The following AGAP1 variants were observed in gnomAD, a reference collection of about 807,000 sequenced individuals.
The protein encoded by AGAP1 is arf-GAP with GTPase, ANK repeat and PH domain-containing protein 1.
Under a neutral mutation model 105.3 loss-of-function variants are expected in AGAP1, and 29 were observed. The observed-to-expected ratio is 0.28, with a 90% CI of 0.21 to 0.38. The LOEUF (loss-of-function observed/expected upper bound fraction) is 0.38, where lower values mean the gene tolerates loss of function less well. Ranked by LOEUF, AGAP1 falls within the 10% of genes least tolerant of loss-of-function variation. AGAP1 has a pLI of 1.00. For missense variants in AGAP1, 998 were observed against 1,165.1 expected (o/e 0.86, Z 2.09); for synonymous variants, 509 against 485.9 (o/e 1.05, Z -0.63).
In AGAP1 at chr2:235,988,800, C is replaced by T. The variant is rs2055431228; in HGVS notation, c.1645+20177C>T. Among the ~76,000 whole-genome samples, 1 of 152,082 alleles carries T rather than the reference C, an allele frequency of 6.6e-6. No homozygotes were observed. On this transcript the variant is annotated intron_variant, in intron 13 of 17. Coordinates refer to ENST00000304032, the MANE Select transcript of AGAP1 (RefSeq NM_001037131.3). This position sits in a 1 kb window ranked among gnomAD's most constrained non-coding sequence, Gnocchi z 4.7. ...CATTCCCCTGCACCCACCCTTTTTT[C>T]TGTGGTCAGCATGTGTTTCCCAGAC...
intron 1 of AGAP1, among the ~76,000 whole-genome samples, chr2:235,688,445 C>A (rs1013200308): frequency 6.6e-5 from 10 of 152,198 alleles, no homozygotes; most frequent in African/African-American, 2.2e-4. Flanking sequence ...TCACCTCTCA[C>A]ATTTCCAGCC....
In AGAP1 at chr2:235,721,457, T is replaced by C. The variant is rs1951376860; in HGVS notation, c.310+3813T>C. Among the ~76,000 whole-genome samples the C allele has an allele frequency of 6.6e-6, 1 of 151,576 alleles. No homozygotes were observed. Among genetic ancestry groups the C allele is most frequent in the South Asian group, 2.1e-4 (1 of 4,770 alleles). On this transcript the variant is annotated intron_variant, in intron 3 of 17. Transcript: ENST00000304032. This position sits in a 1 kb window ranked among gnomAD's most constrained non-coding sequence, Gnocchi z 4.5. ...TCAGTCAAAGAGTAAACCTCTTGGATTGACAGATTCCTTAATATTATGTGT... is the reference window on the plus strand; with the variant it reads ...TCAGTCAAAGAGTAAACCTCTTGGACTGACAGATTCCTTAATATTATGTGT...
rs1191725796 is a variant in AGAP1, at chr2:236,042,236, C to T, written c.1891+1395C>T. Among the ~76,000 whole-genome samples, 1 of 151,946 alleles carries T rather than the reference C, an allele frequency of 6.6e-6. No homozygotes were observed. Among genetic ancestry groups the T allele is most frequent in the Non-Finnish European group, 1.5e-5 (1 of 67,998 alleles). ...GCTTGGCCGGGAAGGGAGACAGGAG[C>T]CCAGGACTGCTCCAGACAAAAGGGA... On this transcript the variant is annotated intron_variant, in intron 15 of 17. Coordinates refer to ENST00000304032, the MANE Select transcript of AGAP1 (RefSeq NM_001037131.3). This position sits in a 1 kb window ranked among gnomAD's most constrained non-coding sequence, Gnocchi z 5.6.
rs1353370750 is a variant in AGAP1 at position 235,737,978 on chromosome 2, G to T, written c.311-2985G>T. On this transcript the variant is annotated intron_variant, in intron 3 of 17. Coordinates refer to ENST00000304032, the MANE Select transcript of AGAP1 (RefSeq NM_001037131.3). This position sits in a 1 kb window ranked among gnomAD's most constrained non-coding sequence, Gnocchi z 4.5. Reference sequence around the variant, plus strand: ...TCTGGGGCAACCATCAGAGGGCAGGGCTGGAGCTGGGGCCCTGTAGGGCAC... The same window carrying T: ...TCTGGGGCAACCATCAGAGGGCAGGTCTGGAGCTGGGGCCCTGTAGGGCAC... Among the ~76,000 whole-genome samples, 2 of 152,144 alleles carry T rather than the reference G, an allele frequency of 1.3e-5. No homozygotes were observed. The highest frequency in any genetic ancestry group is 3.9e-4 in the East Asian group (2 of 5,136).
At chr2:235,841,924 A>G (rs1344899556) in intron 9 of AGAP1, among the ~76,000 whole-genome samples, 1 of 151,700 alleles carries the variant, frequency 6.6e-6, no homozygotes, top group Non-Finnish European at 1.5e-5. Flanking sequence ...AGCTCTGGGA[A>G]GTCTTCCCTA....
chr2:235,692,794 G>C lies in AGAP1; in HGVS notation c.164-16385G>C, dbSNP rs1321773518. Among the ~76,000 whole-genome samples the C allele has an allele frequency of 6.6e-6, 1 of 152,198 alleles. No individual in the cohort carries two copies. Among genetic ancestry groups the C allele is most frequent in the Non-Finnish European group, 1.5e-5 (1 of 68,038 alleles). ...CACAGGTCTTGCGGTGGACTTGCTG[G>C]TCGGCTGCTCTGCTGATTCTCGAAG... On this transcript the variant is annotated intron_variant, in intron 1 of 17. Transcript: ENST00000304032. This position sits in a 1 kb window ranked among gnomAD's most constrained non-coding sequence, Gnocchi z 5.8.
At position 235,879,410 on chromosome 2, in the gene AGAP1, G is replaced by T. The variant is rs1230333727; in HGVS notation, c.1051-3935G>T. ...CAACTGGGGCCAAGGCTGGAAGGCA[G>T]AAATATGACTCCTAAGAGGCCAGGG... On this transcript the variant is annotated intron_variant, in intron 9 of 17. Transcript: ENST00000304032. The surrounding 1 kb of genome is among the most constrained non-coding windows in gnomAD (Gnocchi z 5.0). Among the ~76,000 whole-genome samples the T allele has an allele frequency of 3.3e-5, 5 of 152,220 alleles. No homozygotes were observed. Among genetic ancestry groups the T allele is most frequent in the African/African-American group, 1.2e-4 (5 of 41,456 alleles).
rs1437985930 is a variant in AGAP1 at position 235,552,064 on chromosome 2, C to G, written c.163+57215C>G. ...CCTGCTGGAAGGAGCCTGCAGGGAA[C>G]TGTTTGTTGTGTGCTTGGCTGTTCA... On this transcript the variant is annotated intron_variant, in intron 1 of 17. Transcript: ENST00000304032. The surrounding 1 kb of genome is among the most constrained non-coding windows in gnomAD (Gnocchi z 5.9). Among the ~76,000 whole-genome samples the G allele has an allele frequency of 6.6e-6, 1 of 152,064 alleles. No homozygotes were observed. Among genetic ancestry groups the G allele is most frequent in the African/African-American group, 2.4e-5 (1 of 41,386 alleles).
Position 235,822,398 on chromosome 2 carries a change from G to A in AGAP1, c.1050+15067G>A, listed in dbSNP as rs150697979. ...ACTGGAGAAGCCCAGGAGCGAGGAG[G>A]AGCTGGAGAAGCCCAGGGGTGAGGG... On this transcript the variant is annotated intron_variant, in intron 9 of 17. Transcript: ENST00000304032. 6.4e-4 allele frequency among the ~76,000 whole-genome samples: 97 copies of A among 152,210 alleles called. 1 individual carries two copies. Among genetic ancestry groups the A allele is most frequent in the South Asian group, 2.5e-3 (12 of 4,818 alleles).
At chr2:236,019,092 G>A (rs922855022) in intron 13 of AGAP1, among the ~76,000 whole-genome samples, 1 of 152,158 alleles carries the variant, frequency 6.6e-6, no homozygotes, top group Non-Finnish European at 1.5e-5. Flanking sequence ...TCCAACACTC[G>A]TTTTCTTGGT....
In AGAP1 at chr2:236,050,559, A is replaced by C. The variant is rs1002210083; in HGVS notation, c.2114+1278A>C. Among the ~76,000 whole-genome samples the C allele has an allele frequency of 1.3e-5, 2 of 152,254 alleles. No individual in the cohort carries two copies. The highest frequency in any genetic ancestry group is 1.3e-4 in the Admixed American group (2 of 15,276). On this transcript the variant is annotated intron_variant, in intron 16 of 17. Transcript: ENST00000304032. The surrounding 1 kb of genome is among the most constrained non-coding windows in gnomAD (Gnocchi z 4.0). ...TACCATAGAAATCAGCTGGGTCATC[A>C]ACTGTGAACAAGCTTAAAAGATGAA...
At chr2:235,710,002 T>G (rs1046495346) in intron 2 of AGAP1, among the ~76,000 whole-genome samples, 1 of 152,224 alleles carries the variant, frequency 6.6e-6, no homozygotes, top group Admixed American at 6.5e-5. Context: ...TATGTAGGTA[T>G]CTATGTATGT....
In AGAP1 at chr2:235,719,243, G is replaced by T. The variant is rs1315932501; in HGVS notation, c.310+1599G>T. The stretch of plus-strand genomic sequence containing the variant: ...GGGTTCAGGTGTCTGGTGGGGCAGC[G>T]CTGGAGGCCCTGGGTTTCTGGAGTA... On this transcript the variant is annotated intron_variant, in intron 3 of 17. Coordinates refer to ENST00000304032, the MANE Select transcript of AGAP1 (RefSeq NM_001037131.3). This position sits in a 1 kb window ranked among gnomAD's most constrained non-coding sequence, Gnocchi z 4.9. Among the ~76,000 whole-genome samples, 2 of 152,320 alleles carry T rather than the reference G, an allele frequency of 1.3e-5. No individual in the cohort carries two copies. The highest frequency in any genetic ancestry group is 4.8e-5 in the African/African-American group (2 of 41,570).
At chr2:235,902,071 C>T (rs1359931204) in intron 10 of AGAP1, among the ~76,000 whole-genome samples, 1 of 152,026 alleles carries the variant, frequency 6.6e-6, no homozygotes, top group African/African-American at 2.4e-5. Flanking sequence ...AATAAAAAAT[C>T]ATGAGAAGGG....
chr2:236,115,866 G>A (rs1475495594), intron 16 of AGAP1, among the ~76,000 whole-genome samples: 6 of 152,262 alleles, frequency 3.9e-5, no homozygotes, highest in Admixed American at 2.6e-4. Context: ...GTGCAGTGGC[G>A]CAATCTTGGC....
At chr2:235,711,728 T>C (rs1246794938) in intron 2 of AGAP1, among the ~76,000 whole-genome samples, 3 of 152,012 alleles carry the variant, frequency 2.0e-5, no homozygotes, top group Admixed American at 6.5e-5. Context: ...TGCTGAGGAG[T>C]GCTCAGGGAC....
rs922259255 is a variant in AGAP1, at chr2:235,556,815, C to T, written c.163+61966C>T. 1.3e-5 allele frequency among the ~76,000 whole-genome samples: 2 copies of T among 152,124 alleles called. No homozygotes were observed. The highest frequency in any genetic ancestry group is 2.4e-5 in the African/African-American group (1 of 41,434). On this transcript the variant is annotated intron_variant, in intron 1 of 17. Transcript: ENST00000304032. This position sits in a 1 kb window ranked among gnomAD's most constrained non-coding sequence, Gnocchi z 5.3. ...ATATTTGAGAAGTGGCACTTATTTACCCTGGAGTGAATGTGTTACTGGAAG... is the reference window on the plus strand; with the variant it reads ...ATATTTGAGAAGTGGCACTTATTTATCCTGGAGTGAATGTGTTACTGGAAG...
chr2:235,980,004 A>T (rs1006589761), intron 13 of AGAP1, among the ~76,000 whole-genome samples: 3 of 152,188 alleles, frequency 2.0e-5, no homozygotes, highest in Non-Finnish European at 4.4e-5. Context: ...GGAGCTTGTG[A>T]AGTATGACTC....
chr2:235,540,678 C>T (rs1943407279), intron 1 of AGAP1, among the ~76,000 whole-genome samples: 2 of 152,084 alleles, frequency 1.3e-5, no homozygotes, highest in South Asian at 4.1e-4. Context: ...GTGAGCAAAT[C>T]CTTGTAGAAT....
Sources: allele counts gnomAD v4.1 joint callset (sites outside exome capture counted in the v4.1 genomes callset), GRCh38; gene constraint gnomAD v4.1.1; non-coding constraint Gnocchi (gnomAD v3.1); transcripts MANE v1.5; gene names NCBI Gene and HGNC (gene_info 2026-07-23, HGNC 2026-07-21).